Variants in DNAH7 observed in about 807,000 individuals in gnomAD.
DNAH7 encodes the protein axonemal beta dynein heavy chain 7.
A neutral mutation model predicts 444.6 loss-of-function variants in DNAH7; 397 were observed. That is an observed-to-expected ratio of 0.89 (90% CI 0.82 to 0.97). The LOEUF is 0.97. Among genes scored for constraint, DNAH7 ranks in the 50% least tolerant of loss-of-function variants. The pLI, the probability that DNAH7 is intolerant of heterozygous loss-of-function variation, is 0.00. For missense variants in DNAH7, 4,902 were observed against 4,800.8 expected, an observed-to-expected ratio of 1.02 and a Z score of -0.62; for synonymous variants, 1,636 against 1,624.4, an observed-to-expected ratio of 1.01 and a Z score of -0.17.
At chr2:195,855,474 G>T (rs192367841) in intron 45 of DNAH7, among the ~76,000 whole-genome samples, 3 of 151,806 alleles carry the variant, frequency 2.0e-5, no homozygotes, top group East Asian at 3.9e-4. Flanking sequence ...TTATATTCTA[G>T]TAATCTAAGG....
At position 196,019,265 on chromosome 2, in the gene DNAH7, T is replaced by G. The variant is rs770072419; in HGVS notation, c.774A>C (p.Lys258Asn). The G allele has an allele frequency of 6.6e-7, 1 of 1,506,218 alleles. No individual in the cohort carries two copies. The highest frequency in any genetic ancestry group is 1.8e-5 in the Admixed American group (1 of 56,114). The allele number at this position is 1,506,218 out of a possible 1,614,324, so 93.3% of individuals were successfully genotyped here. A position where few individuals can be genotyped will look rare whatever the true frequency, so the allele number is the denominator to read the frequency against. The change falls in exon 9 of 65, where the codon AAA becomes AAC. Residue 258 changes from lysine (K) to asparagine (N), a missense_variant. Coordinates refer to ENST00000312428, the MANE Select transcript of DNAH7 (RefSeq NM_018897.3). ...TATAACTGCTTGCAGCTAAAAAAGA[T>G]TTCCTCCAAGGTTTTGGCAGAATTT... ...EMEILPKPWR[K>N]SFLAASSYIR...
chr2:195,794,555 C>T lies in DNAH7; in HGVS notation c.10516-17G>A, dbSNP rs1203018043. 1 of 1,611,586 alleles carries T rather than the reference C, an allele frequency of 6.2e-7. No individual in the cohort carries two copies. Among genetic ancestry groups the T allele is most frequent in the East Asian group, 2.2e-5 (1 of 44,846 alleles). On this transcript the variant is annotated splice_polypyrimidine_tract_variant and intron_variant, in intron 56 of 64. Coordinates refer to ENST00000312428, the MANE Select transcript of DNAH7 (RefSeq NM_018897.3). ...GCTTAACTCCTGTAAGAAAATAAAT[C>T]AGATACAAAAGAGTAAATAAAACCC...
rs750716171 is a variant in DNAH7 at position 195,777,967 on chromosome 2, G to A, written c.10897C>T (p.Leu3633=). ...TTGCATTCGCCAGTCATGTACCGCA[G>A]AGCCTCATACGGCAGTTCCTAAAAT... ...NQYEELPYEA[L]RYMTGECNYG... Residue 3633 remains leucine, a synonymous_variant, in exon 59 of 65, where the codon CTG becomes TTG. Coordinates refer to ENST00000312428, the MANE Select transcript of DNAH7 (RefSeq NM_018897.3). The A allele has an allele frequency of 4.3e-6, 7 of 1,613,088 alleles. No individual in the cohort carries two copies. The Admixed American group carries it at 1.0e-4, about 23-fold the overall frequency.
chr2:195,925,892 CTAAT>C (rs1380214940), intron 22 of DNAH7, among the ~76,000 whole-genome samples: 1 of 151,348 alleles, frequency 6.6e-6, no homozygotes, highest in Non-Finnish European at 1.5e-5. Context: ...CAATTACAAT[CTAAT>C]TAATATTAAA....
At chr2:195,815,316 C>T (rs543488531) in intron 51 of DNAH7, among the ~76,000 whole-genome samples, 1 of 152,092 alleles carries the variant, frequency 6.6e-6, no homozygotes, top group African/African-American at 2.4e-5. Flanking sequence ...TACCTACTCC[C>T]TCTCTTTCTC....
intron 64 of DNAH7, among the ~76,000 whole-genome samples, chr2:195,738,371 G>C (rs1444501474): frequency 6.6e-6 from 1 of 151,788 alleles, no homozygotes; most frequent in Admixed American, 6.6e-5. Context: ...CTCTCACTCA[G>C]CCACAATTAC....
At chr2:195,980,351 C>A (rs1692493017) in intron 15 of DNAH7, among the ~76,000 whole-genome samples, 1 of 152,140 alleles carries the variant, frequency 6.6e-6, no homozygotes, top group African/African-American at 2.4e-5. Context: ...TCCCTTCTGC[C>A]ATGACTGTAA....
chr2:195,965,770 C>T (rs1206235158), intron 17 of DNAH7, among the ~76,000 whole-genome samples: 1 of 152,062 alleles, frequency 6.6e-6, no homozygotes, highest in East Asian at 1.9e-4. Flanking sequence ...CTCACAGTAG[C>T]CACTATTGAG....
chr2:196,012,656 A>G (rs1383944981), intron 10 of DNAH7, 131 bp downstream of exon 10: 1 of 911,060 alleles, frequency 1.1e-6, no homozygotes, highest in South Asian at 2.1e-5. Flanking sequence ...ATAATTAAAG[A>G]TATTATATTT....
At position 195,777,259 on chromosome 2, in the gene DNAH7, G is replaced by A. The variant is rs374023389; in HGVS notation, c.11064+541C>T. 9.7e-4 allele frequency among the ~76,000 whole-genome samples: 148 copies of A among 152,276 alleles called. 6 individuals are homozygous for A. The South Asian group carries it at 0.03, about 31-fold the overall frequency. On this transcript the variant is annotated intron_variant, in intron 59 of 64. Transcript: ENST00000312428. ...GACAGGACTGGAGAAGAGCAGAAGG[G>A]AATCTTGGTCTTGTGCTGCAGGTGG...
intron 31 of DNAH7, 115 bp from the exon 32 acceptor site, chr2:195,889,096 A>G: frequency 1.0e-6 from 1 of 1,004,198 alleles, no homozygotes; most frequent in South Asian, 1.8e-5. Flanking sequence ...TAATTTCATC[A>G]TGAAAACGTA....
chr2:195,941,403 G>A (rs1249387323), intron 19 of DNAH7, among the ~76,000 whole-genome samples: 1 of 147,024 alleles, frequency 6.8e-6, no homozygotes, highest in African/African-American at 2.6e-5. Context: ...GAGAGCATTA[G>A]GACAAACACC....
intron 1 of DNAH7, chr2:196,063,407 T>C (rs1446840976): frequency 6.6e-6 from 1 of 152,220 alleles, no homozygotes; most frequent in Non-Finnish European, 1.5e-5. Flanking sequence ...TCTGGGGATG[T>C]TGCTGATTCC....
intron 5 of DNAH7, among the ~76,000 whole-genome samples, chr2:196,045,612 C>G (rs1697071877): frequency 6.6e-6 from 1 of 151,740 alleles, no homozygotes; most frequent in Non-Finnish European, 1.5e-5. Context: ...ATAGAAAATA[C>G]AAAGGAAAGC....
chr2:196,024,392 A>C, intron 8 of DNAH7, 37 bp downstream of exon 8: 1 of 1,395,430 alleles, frequency 7.2e-7, no homozygotes, highest in Non-Finnish European at 9.7e-7. Context: ...AGAAATGGTC[A>C]CATAATCAAC....
intron 5 of DNAH7, among the ~76,000 whole-genome samples, chr2:196,039,017 T>C (rs1575079074): frequency 1.3e-5 from 2 of 152,336 alleles, no homozygotes; most frequent in African/African-American, 4.8e-5. Context: ...AACTGCACTG[T>C]AGACCAAATG....
intron 19 of DNAH7, among the ~76,000 whole-genome samples, chr2:195,951,332 C>T (rs532556334): frequency 4.5e-4 from 68 of 152,220 alleles, no homozygotes; most frequent in Middle Eastern, 3.4e-3. Context: ...TGTTCTTTTG[C>T]ATTTGCTGAG....
rs1250076946 is a variant in DNAH7 at position 195,972,238 on chromosome 2, C to T, written c.2058+4G>A. The T allele has an allele frequency of 1.2e-6, 2 of 1,603,960 alleles. No individual in the cohort carries two copies. Among genetic ancestry groups the T allele is most frequent in the Non-Finnish European group, 1.7e-6 (2 of 1,173,546 alleles). ...AATGAAAATAAAATATCTAAGATGC[C>T]AACCTTCAGACCTTCTTGATATTGT... On this transcript the variant is annotated splice_donor_region_variant and intron_variant, in intron 16 of 64. Transcript: ENST00000312428.
At chr2:195,871,056 G>T (rs1700657082) in intron 40 of DNAH7, among the ~76,000 whole-genome samples, 1 of 152,124 alleles carries the variant, frequency 6.6e-6, no homozygotes, top group African/African-American at 2.4e-5. Flanking sequence ...GCTGTGGAGT[G>T]CTATAAGAAT....
Sources: gnomAD v4.1 joint callset for allele counts (sites outside exome capture counted in the v4.1 genomes callset) on GRCh38, gnomAD v4.1.1 for gene constraint, MANE v1.5 for transcripts, NCBI Gene and HGNC (gene_info 2026-07-23, HGNC 2026-07-21) for gene names.